Variants in P4HB observed in about 807,000 individuals in gnomAD.
P4HB encodes protein disulfide-isomerase.
A neutral mutation model predicts 52.6 loss-of-function variants in P4HB; 20 were observed. The observed-to-expected ratio is 0.38, with a 90% CI of 0.27 to 0.55. The LOEUF (loss-of-function observed/expected upper bound fraction) is 0.55, where lower values mean the gene tolerates loss of function less well. Ranked by LOEUF, P4HB falls within the 20% of genes least tolerant of loss-of-function variation. P4HB has a pLI of 0.74. For synonymous variants in P4HB, 296 were observed against 277.9 expected, an observed-to-expected ratio of 1.07 and a Z score of -0.65; for missense variants, 601 against 669.2, an observed-to-expected ratio of 0.90 and a Z score of 1.12.
At position 81,855,050 on chromosome 17, in the gene P4HB, A is replaced by T; in HGVS notation, c.624+92T>A. The stretch of plus-strand genomic sequence containing the variant: ...TACCTATTGGGCCAAAGGTGCCAGG[A>T]GCAAGGTTCCCTTAACGATAAGGAG... On this transcript the variant is annotated intron_variant, in intron 4 of 10. Coordinates refer to ENST00000331483, the MANE Select transcript of P4HB (RefSeq NM_000918.4). This position sits in a 1 kb window ranked among gnomAD's most constrained non-coding sequence, Gnocchi z 4.3. The T allele has an allele frequency of 7.7e-7, 1 of 1,300,806 alleles. No individual in the cohort carries two copies. The highest frequency in any genetic ancestry group is 1.1e-6 in the Non-Finnish European group (1 of 906,276). The allele number at this position is 1,300,806 out of a possible 1,614,324, so 80.6% of individuals were successfully genotyped here.
In P4HB at chr17:81,843,447, C is replaced by A. The variant is rs2038683442; in HGVS notation, c.*565G>T. 3 of 399,980 alleles carry A rather than the reference C, an allele frequency of 7.5e-6. No homozygotes were observed. The highest frequency in any genetic ancestry group is 1.3e-5 in the Non-Finnish European group (3 of 227,224). 24.8% of individuals were successfully genotyped at this position (399,980 alleles called of 1,614,324 possible). A position where few individuals can be genotyped will look rare whatever the true frequency, so the allele number is the denominator to read the frequency against. ...GGCAGCCACCAGCTCCTCTTCCAGG[C>A]ATGGGGGACACCCTGACAGGATCCG... On this transcript the variant is annotated 3_prime_UTR_variant, in exon 11 of 11. Transcript: ENST00000331483.
In P4HB at chr17:81,843,695, G is replaced by A. The variant is rs1056597907; in HGVS notation, c.*317C>T. The A allele has an allele frequency of 1.2e-4, 53 of 428,842 alleles. No individual in the cohort carries two copies. Among genetic ancestry groups the A allele is most frequent in the Non-Finnish European group, 2.1e-4 (51 of 243,140 alleles). The allele number at this position is 428,842 out of a possible 1,614,324, so 26.6% of individuals were successfully genotyped here. On this transcript the variant is annotated 3_prime_UTR_variant, in exon 11 of 11. Transcript: ENST00000331483. ...AAGAGGAGAAACCTCCCGCGGGAGG[G>A]AGGCAGCGAGACTCCGAACACGGTA...
At chr17:81,856,835 A>G (rs1448595192) in intron 2 of P4HB, among the ~76,000 whole-genome samples, 1 of 151,274 alleles carries the variant, frequency 6.6e-6, no homozygotes, top group African/African-American at 2.4e-5. Context: ...TTTTTAGTAG[A>G]GACGGGGTTT....
At chr17:81,858,247 G>C (rs186850405) in intron 2 of P4HB, among the ~76,000 whole-genome samples, 19 of 126,046 alleles carry the variant, frequency 1.5e-4, no homozygotes, top group Admixed American at 6.7e-4. Context: ...ACGACAGAGC[G>C]AGACTGTCTC....
At chr17:81,860,284 C>T in intron 1 of P4HB, 43 bp downstream of exon 1, 2 of 1,374,256 alleles carry the variant, frequency 1.5e-6, no homozygotes, top group Non-Finnish European at 1.9e-6. Flanking sequence ...GAGCCTGGCT[C>T]AGCGGCCCCG....
chr17:81,845,462 G>T (rs1363031236), intron 9 of P4HB, 99 bp downstream of exon 9: 2 of 1,229,064 alleles, frequency 1.6e-6, no homozygotes, highest in Non-Finnish European at 1.1e-6. Context: ...TCTCCCACCT[G>T]ACTAGCCCCA....
intron 4 of P4HB, among the ~76,000 whole-genome samples, chr17:81,850,590 T>C (rs982656061): frequency 2.6e-5 from 4 of 152,044 alleles, no homozygotes; most frequent in Non-Finnish European, 5.9e-5. Flanking sequence ...TTCAAGTAAT[T>C]CTCCTGCCTC....
At chr17:81,857,805 C>T (rs2038934362) in intron 2 of P4HB, among the ~76,000 whole-genome samples, 1 of 152,188 alleles carries the variant, frequency 6.6e-6, no homozygotes, top group African/African-American at 2.4e-5. Flanking sequence ...CCTCCTAGAA[C>T]TTGACTCCCT....
rs201310822 is a variant in P4HB, at chr17:81,843,277, C to T, written c.*735G>A. The T allele has an allele frequency of 1.3e-4, 51 of 390,790 alleles. No individual in the cohort carries two copies. Among genetic ancestry groups the T allele is most frequent in the African/African-American group, 8.6e-4 (42 of 48,628 alleles). 24.2% of individuals were successfully genotyped at this position (390,790 alleles called of 1,614,324 possible). The stretch of plus-strand genomic sequence containing the variant: ...CAGCATCCTTGGCCACCTCCCCACC[C>T]GGGAGTCAAGGGTCGTGGTTCTGCC... On this transcript the variant is annotated 3_prime_UTR_variant, in exon 11 of 11. Transcript: ENST00000331483.
intron 4 of P4HB, among the ~76,000 whole-genome samples, chr17:81,854,927 G>A (rs868745522): frequency 2.6e-5 from 4 of 151,630 alleles, no homozygotes; most frequent in South Asian, 2.1e-4. Context: ...GTTCTGAGGC[G>A]GCTGTGGCAG....
At position 81,860,328 on chromosome 17, in the gene P4HB, G is replaced by A. The variant is rs1439176243; in HGVS notation, c.144C>T (p.Phe48=). 3 of 1,462,872 alleles carry A rather than the reference G, an allele frequency of 2.1e-6. No homozygotes were observed. The highest frequency in any genetic ancestry group is 2.7e-5 in the South Asian group (2 of 75,152). 90.6% of individuals were successfully genotyped at this position (1,462,872 alleles called of 1,614,324 possible). ...LAAHKYLLVE[F]YAPWCGHCKA... is the part of the protein sequence containing the mutation. Reference sequence around the variant, plus strand: ...CCGCCCGCCAGGCCCGGCGCTCACAGAACTCCACCAGCAGGTACTTGTGGG... The same window carrying A: ...CCGCCCGCCAGGCCCGGCGCTCACAAAACTCCACCAGCAGGTACTTGTGGG... Residue 48 remains phenylalanine, a splice_region_variant and synonymous_variant, in exon 1 of 11, where the codon TTC becomes TTT. Transcript: ENST00000331483.
chr17:81,850,185 T>C (rs952299724), intron 4 of P4HB, among the ~76,000 whole-genome samples: 1 of 151,764 alleles, frequency 6.6e-6, no homozygotes, highest in African/African-American at 2.4e-5. Context: ...CAGGCTAGAG[T>C]GCAGTGGCAG....
At chr17:81,847,905 C>CT (rs1193629056) in intron 4 of P4HB, 11,555 of 123,112 alleles carry the variant, frequency 0.094, 693 homozygotes, top group Non-Finnish European at 0.14. Flanking sequence ...AGGTCTTGAT[C>CT]TTTTTTTTTT....
rs769626015 is a variant in P4HB at position 81,845,982 on chromosome 17, T to A, written c.1066A>T (p.Met356Leu). ...CAGTCCTCCGGCAGCTCCTGGCTCA[T>A]CAGGTGGGGCTGGAGGGCAGGCAGG... ...FLEGKIKPHL[M>L]SQELPEDWDK... Residue 356 changes from methionine to leucine, a missense_variant, in exon 8 of 11, where the codon ATG (methionine) becomes TTG (leucine). Transcript: ENST00000331483. The A allele has an allele frequency of 4.3e-5, 69 of 1,609,714 alleles. No individual in the cohort carries two copies. Among genetic ancestry groups the A allele is most frequent in the Non-Finnish European group, 5.6e-5 (66 of 1,177,646 alleles).
intron 2 of P4HB, among the ~76,000 whole-genome samples, chr17:81,857,102 T>C (rs1467901796): frequency 6.6e-6 from 1 of 152,100 alleles, no homozygotes; most frequent in Non-Finnish European, 1.5e-5. Context: ...TTTTGTATTT[T>C]TTGTAGACAG....
Position 81,855,389 on chromosome 17 carries a change from A to G in P4HB, c.486+64T>C, listed in dbSNP as rs1264206094. Reference sequence around the variant, plus strand: ...GGACACGTGCAGAACTGCCAGCTGCAGGCTGTGGACCCCTCCTCAATGGAT... The same window carrying G: ...GGACACGTGCAGAACTGCCAGCTGCGGGCTGTGGACCCCTCCTCAATGGAT... On this transcript the variant is annotated intron_variant, in intron 3 of 10. Transcript: ENST00000331483. This position sits in a 1 kb window ranked among gnomAD's most constrained non-coding sequence, Gnocchi z 4.3. 3.1e-6 allele frequency: 5 copies of G among 1,595,994 alleles called. No homozygotes were observed. The highest frequency in any genetic ancestry group is 2.7e-5 in the African/African-American group (2 of 74,616).
intron 2 of P4HB, chr17:81,858,880 T>C (rs995822209): frequency 2.4e-4 from 92 of 382,178 alleles, no homozygotes; most frequent in African/African-American, 1.7e-3. Flanking sequence ...AAACAGCCCA[T>C]GTGGCCAGAA....
Position 81,846,410 on chromosome 17 carries a change from C to T in P4HB, c.1056+19G>A. On this transcript the variant is annotated intron_variant, in intron 7 of 10. Transcript: ENST00000331483. This position sits in a 1 kb window ranked among gnomAD's most constrained non-coding sequence, Gnocchi z 5.7. ...GGCTCTACCCGGGAGGCAGCCCTGG[C>T]CCGGGGACGCGCCTGCACCTTGATT... 6.2e-7 allele frequency: 1 copy of T among 1,612,292 alleles called. No homozygotes were observed. The highest frequency in any genetic ancestry group is 8.5e-7 in the Non-Finnish European group (1 of 1,179,550).
chr17:81,844,074 C>G lies in P4HB; in HGVS notation c.1465G>C (p.Glu489Gln), dbSNP rs771959851. 6.2e-7 allele frequency: 1 copy of G among 1,613,158 alleles called. No individual in the cohort carries two copies. The highest frequency in any genetic ancestry group is 1.1e-5 in the South Asian group (1 of 91,040). ...TCCTCCATGTCTGGCTCCTCTGCTT[C>G]TTCCAGGTCCTCGAGATCCTGGGAT... ...GDDDDLEDLE[E>Q]AEEPDMEEDD... The change falls in exon 11 of 11, where the codon GAA becomes CAA. Residue 489 changes from glutamate (E) to glutamine (Q), a missense_variant. Coordinates refer to ENST00000331483, the MANE Select transcript of P4HB (RefSeq NM_000918.4).
Sources: gnomAD v4.1 joint callset for allele counts (sites outside exome capture counted in the v4.1 genomes callset) on GRCh38, gnomAD v4.1.1 for gene constraint, Gnocchi (gnomAD v3.1) non-coding constraint, MANE v1.5 for transcripts, NCBI Gene and HGNC (gene_info 2026-07-23, HGNC 2026-07-21) for gene names.